Variants in FAM171A1 observed in about 807,000 individuals in gnomAD.
FAM171A1 encodes family with sequence similarity 171 member A1.
Under a neutral mutation model 74.9 loss-of-function variants are expected in FAM171A1, and 23 were observed. That is an observed-to-expected ratio of 0.31 (90% confidence interval 0.22 to 0.44). The LOEUF is 0.44. Among genes scored for constraint, FAM171A1 ranks in the 20% least tolerant of loss-of-function variants. The probability of loss-of-function intolerance (pLI) is 1.00; values close to 1 mark genes in which losing one functional copy is unlikely to be tolerated. For synonymous variants in FAM171A1, 527 were observed against 505.7 expected (o/e 1.04, Z -0.57); for missense variants, 1,162 against 1,159.2 (o/e 1.00, Z -0.03).
At chr10:15,301,828 T>G (rs1340725860) in intron 1 of FAM171A1, among the ~76,000 whole-genome samples, 4 of 152,160 alleles carry the variant, frequency 2.6e-5, no homozygotes, top group Non-Finnish European at 4.4e-5. Flanking sequence ...CCAGGCTGGC[T>G]CATTAGCTTC....
In FAM171A1 at chr10:15,317,345, A is replaced by G. The variant is rs369883006; in HGVS notation, c.98-33240T>C. Among the ~76,000 whole-genome samples, 28 of 152,260 alleles carry G rather than the reference A, an allele frequency of 1.8e-4. No homozygotes were observed. The East Asian group carries it at 5.0e-3, about 27-fold the overall frequency. On this transcript the variant is annotated intron_variant, in intron 1 of 7. Coordinates refer to ENST00000378116, the MANE Select transcript of FAM171A1 (RefSeq NM_001010924.2). ...ACGAAGCATAAAACTACTTATAAACAGTGCTATCTAAAAATGAAGTCTGGT... is the reference window on the plus strand; with the variant it reads ...ACGAAGCATAAAACTACTTATAAACGGTGCTATCTAAAAATGAAGTCTGGT...
upstream of FAM171A1, among the ~76,000 whole-genome samples, chr10:15,372,334 T>C (rs1836160132): frequency 6.6e-6 from 1 of 152,110 alleles, no homozygotes; most frequent in Non-Finnish European, 1.5e-5. Context: ...GCATACCTGG[T>C]CAGTGGCAGA....
intron 1 of FAM171A1, among the ~76,000 whole-genome samples, chr10:15,343,736 G>A (rs1438559190): frequency 6.6e-6 from 1 of 152,144 alleles, no homozygotes; most frequent in African/African-American, 2.4e-5. Flanking sequence ...GGACAGCCTT[G>A]GGCATCCGTC....
At chr10:15,271,153 T>A (rs1436217804) in intron 3 of FAM171A1, among the ~76,000 whole-genome samples, 1 of 152,092 alleles carries the variant, frequency 6.6e-6, no homozygotes, top group African/African-American at 2.4e-5. Context: ...ATTAGACAAA[T>A]GGCTAACTAG....
intron 5 of FAM171A1, among the ~76,000 whole-genome samples, chr10:15,239,526 C>T (rs985944851): frequency 2.0e-5 from 3 of 152,154 alleles, no homozygotes; most frequent in African/African-American, 7.2e-5. Context: ...TGGCCTCAAA[C>T]TCTTGACCTC....
At chr10:15,337,765 G>A (rs1426850889) in intron 1 of FAM171A1, among the ~76,000 whole-genome samples, 1 of 152,082 alleles carries the variant, frequency 6.6e-6, no homozygotes, top group Non-Finnish European at 1.5e-5. Flanking sequence ...CCTGGCCAAC[G>A]CGGTAAAACC....
At chr10:15,364,974 C>T (rs570470010) in intron 1 of FAM171A1, among the ~76,000 whole-genome samples, 1 of 152,266 alleles carries the variant, frequency 6.6e-6, no homozygotes, top group South Asian at 2.1e-4. Flanking sequence ...AACAGAATCA[C>T]TTGGCCACAG....
At chr10:15,281,544 C>T (rs767815087) in intron 2 of FAM171A1, among the ~76,000 whole-genome samples, 15 of 152,170 alleles carry the variant, frequency 9.9e-5, no homozygotes, top group African/African-American at 1.4e-4. Context: ...CTTCATTATT[C>T]CTATGACTTG....
At chr10:15,229,913 C>CATCACCATCATCACCATCACCACT (rs1834181386) in intron 5 of FAM171A1, among the ~76,000 whole-genome samples, 6 of 66,304 alleles carry the variant, frequency 9.0e-5, no homozygotes, top group Admixed American at 1.2e-4. Flanking sequence ...CCATCACCAC[C>CATCACCATCATCACCATCACCACT]ATCACCAACA....
intron 1 of FAM171A1, among the ~76,000 whole-genome samples, chr10:15,340,558 T>C (rs958950320): frequency 1.3e-5 from 2 of 152,182 alleles, no homozygotes; most frequent in South Asian, 4.1e-4. Context: ...CCCACCTCCA[T>C]GCAGCCATGG....
chr10:15,306,436 C>T (rs1482511714), intron 1 of FAM171A1, among the ~76,000 whole-genome samples: 2 of 151,732 alleles, frequency 1.3e-5, no homozygotes, highest in African/African-American at 2.4e-5. Context: ...ACAATCTTGA[C>T]TCACTGCCAC....
intron 1 of FAM171A1, among the ~76,000 whole-genome samples, chr10:15,299,921 T>A (rs1878622): frequency 6.6e-6 from 1 of 151,442 alleles, no homozygotes; most frequent in Non-Finnish European, 1.5e-5. Context: ...GAGCTTGCAG[T>A]GAACCGAGCT....
rs192726462 is a variant in FAM171A1 at position 15,220,989 on chromosome 10, G to A, written c.826C>T (p.Pro276Ser). The change falls in exon 6 of 8, where the codon CCC becomes TCC. Residue 276 changes from proline (P) to serine (S), a missense_variant. Physicochemically the swap from Pro to Ser is moderately conservative, Grantham distance 74 (BLOSUM62 -1). Transcript: ENST00000378116. ...GSQLTWTYIA[P>S]QLGYWVAAMS... ...GCGGCCACCCAGTACCCCAACTGGG[G>A]GGCAATGTATGTCCACGTCAGCTGG... 343 of 1,614,096 alleles carry A rather than the reference G, an allele frequency of 2.1e-4. 1 individual carries two copies. Among genetic ancestry groups the A allele is most frequent in the Middle Eastern group, 9.9e-4 (6 of 6,058 alleles).
chr10:15,220,863 T>C (rs1371823111), intron 6 of FAM171A1, 81 bp downstream of exon 6: 1 of 1,013,728 alleles, frequency 9.9e-7, no homozygotes, highest in South Asian at 1.5e-5. Context: ...GCTGAAGTTA[T>C]TTTCAAGAGC....
At chr10:15,290,487 G>A (rs1835090151) in intron 1 of FAM171A1, among the ~76,000 whole-genome samples, 1 of 151,198 alleles carries the variant, frequency 6.6e-6, no homozygotes, top group African/African-American at 2.5e-5. Context: ...AAGCTCTCCA[G>A]ACACATGGTC....
chr10:15,370,336 C>T (rs548155778), intron 1 of FAM171A1, among the ~76,000 whole-genome samples: 1 of 150,808 alleles, frequency 6.6e-6, no homozygotes, highest in Admixed American at 6.6e-5. Context: ...GAGCAAATCC[C>T]TTATGGTCTG....
chr10:15,216,384 T>C (rs956455159), intron 6 of FAM171A1, among the ~76,000 whole-genome samples: 55 of 152,174 alleles, frequency 3.6e-4, no homozygotes, highest in Middle Eastern at 3.4e-3. Context: ...AGCGGAGAAG[T>C]GCGCCTCACT....
chr10:15,319,777 G>T (rs1025099061), intron 1 of FAM171A1, among the ~76,000 whole-genome samples: 1 of 152,110 alleles, frequency 6.6e-6, no homozygotes, highest in Non-Finnish European at 1.5e-5. Context: ...GTCGGGTGGA[G>T]GTAGAGGAAC....
intron 1 of FAM171A1, among the ~76,000 whole-genome samples, chr10:15,357,510 G>A (rs1268704846): frequency 3.9e-5 from 6 of 152,222 alleles, no homozygotes; most frequent in Non-Finnish European, 7.3e-5. Flanking sequence ...TTTCTGGAAT[G>A]ATGGAAATAT....
Sources: allele counts gnomAD v4.1 joint callset (sites outside exome capture counted in the v4.1 genomes callset), GRCh38; gene constraint gnomAD v4.1.1; transcripts MANE v1.5; gene names NCBI Gene and HGNC (gene_info 2026-07-23, HGNC 2026-07-21).